PPARGC1A: variants seen among roughly 807,000 people sequenced by gnomAD.
PPARGC1A encodes the protein PPARG coactivator 1 alpha.
Under a neutral mutation model 88.7 loss-of-function variants are expected in PPARGC1A, and 25 were observed. The observed-to-expected ratio is 0.28, with a 90% confidence interval of 0.21 to 0.39. PPARGC1A has a LOEUF of 0.39. Among genes scored for constraint, PPARGC1A ranks in the 10% least tolerant of loss-of-function variants. The probability of loss-of-function intolerance (pLI) is 1.00; values close to 1 mark genes in which losing one functional copy is unlikely to be tolerated. For missense variants in PPARGC1A, 880 were observed against 968.7 expected (o/e 0.91, Z 1.22); for synonymous variants, 363 against 355.6 (o/e 1.02, Z -0.24).
At chr4:24,235,905 G>A in the PPARGC1A span, among the ~76,000 whole-genome samples, 1 of 152,076 alleles carries the variant, frequency 6.6e-6, no homozygotes, top group Admixed American at 6.5e-5. Flanking sequence ...GAGGGTGGGG[G>A]ACCCACAGTG....
At chr4:24,139,701 G>A in the PPARGC1A span, among the ~76,000 whole-genome samples, 19 of 152,128 alleles carry the variant, frequency 1.2e-4, no homozygotes, top group African/African-American at 2.2e-4. Context: ...CATCCTGTGC[G>A]TGCCCTTGTA....
chr4:24,097,854 T>C, the PPARGC1A span, among the ~76,000 whole-genome samples: 7 of 152,190 alleles, frequency 4.6e-5, no homozygotes, highest in Non-Finnish European at 1.0e-4. Flanking sequence ...CATGGTTTTA[T>C]GGCCAATTGA....
At chr4:23,994,576 T>C in the PPARGC1A span, among the ~76,000 whole-genome samples, 1 of 152,220 alleles carries the variant, frequency 6.6e-6, no homozygotes, top group African/African-American at 2.4e-5. Flanking sequence ...CACTTTCAGG[T>C]TTCCATCTAG....
At chr4:24,421,989 T>C in the PPARGC1A span, among the ~76,000 whole-genome samples, 1 of 152,190 alleles carries the variant, frequency 6.6e-6, no homozygotes, top group African/African-American at 2.4e-5. Context: ...TAAACAATAT[T>C]GCAGATGCTA....
chr4:24,387,840 G>GAAAGAAAGAA, the PPARGC1A span, among the ~76,000 whole-genome samples: 4 of 133,398 alleles, frequency 3.0e-5, no homozygotes, highest in Admixed American at 3.1e-4. Flanking sequence ...AAGAGAGAAA[G>GAAAGAAAGAA]AGAGAGAGAA....
chr4:23,889,361 T>C (rs1001952961), intron 1 of PPARGC1A: 1 of 985,406 alleles, frequency 1.0e-6, no homozygotes. Context: ...ATCGTTGTTT[T>C]GTGTTCTGTG....
chr4:24,239,098 T>C, the PPARGC1A span, among the ~76,000 whole-genome samples: 1 of 152,138 alleles, frequency 6.6e-6, no homozygotes. Context: ...ATCAGAAATT[T>C]AGGTTTCTTA....
chr4:24,244,739 A>G, the PPARGC1A span, among the ~76,000 whole-genome samples: 1 of 152,214 alleles, frequency 6.6e-6, no homozygotes, highest in Non-Finnish European at 1.5e-5. Flanking sequence ...TGAATAGAGG[A>G]TGCCCCAAAC....
intron 2 of PPARGC1A, among the ~76,000 whole-genome samples, chr4:23,872,550 T>C (rs145949289): frequency 1.3e-5 from 2 of 152,096 alleles, no homozygotes; most frequent in African/African-American, 4.8e-5. Flanking sequence ...CTAAAGACAA[T>C]AAGTAGGAGA....
the PPARGC1A span, among the ~76,000 whole-genome samples, chr4:23,944,124 G>C: frequency 2.0e-5 from 3 of 152,132 alleles, no homozygotes; most frequent in Non-Finnish European, 4.4e-5. Context: ...TATCAATATT[G>C]GTTCATTAGT....
chr4:24,013,420 G>A, the PPARGC1A span, among the ~76,000 whole-genome samples: 2 of 151,808 alleles, frequency 1.3e-5, no homozygotes, highest in Non-Finnish European at 2.9e-5. Flanking sequence ...GCACAGTTTT[G>A]TCTCCTCGTC....
the PPARGC1A span, among the ~76,000 whole-genome samples, chr4:24,301,611 CAAA>C: frequency 6.3e-5 from 5 of 79,384 alleles, no homozygotes; most frequent in Admixed American, 1.4e-4. Context: ...CACCTATTGC[CAAA>C]AAAAAAAAAA....
chr4:24,279,962 A>G, the PPARGC1A span, among the ~76,000 whole-genome samples: 5 of 152,084 alleles, frequency 3.3e-5, no homozygotes, highest in African/African-American at 1.2e-4. Context: ...TCTGAGAGCT[A>G]TTATTAGAGA....
the PPARGC1A span, among the ~76,000 whole-genome samples, chr4:24,363,542 G>T: frequency 2.0e-5 from 3 of 152,106 alleles, no homozygotes; most frequent in Non-Finnish European, 4.4e-5. Flanking sequence ...TGGGTGTAAG[G>T]TTTCTTTGTC....
At chr4:24,189,807 C>T in the PPARGC1A span, among the ~76,000 whole-genome samples, 14 of 152,110 alleles carry the variant, frequency 9.2e-5, no homozygotes, top group African/African-American at 3.1e-4. Flanking sequence ...TCTGTCACTG[C>T]CTACTATGCT....
the PPARGC1A span, among the ~76,000 whole-genome samples, chr4:24,257,958 TTATC>T: frequency 2.0e-5 from 3 of 152,146 alleles, no homozygotes; most frequent in South Asian, 4.1e-4. Context: ...TTAGTCCAAA[TTATC>T]TAGTAAGCAT....
At chr4:23,835,264 C>A (rs1725789529) in intron 2 of PPARGC1A, among the ~76,000 whole-genome samples, 1 of 152,168 alleles carries the variant, frequency 6.6e-6, no homozygotes, top group African/African-American at 2.4e-5. Context: ...CGACAAAGAA[C>A]ACTTAAATCA....
At chr4:24,165,948 T>G in the PPARGC1A span, among the ~76,000 whole-genome samples, 1 of 152,120 alleles carries the variant, frequency 6.6e-6, no homozygotes, top group Non-Finnish European at 1.5e-5. Context: ...ATGATGAAGC[T>G]TAATGAGAAA....
chr4:24,418,531 G>C, the PPARGC1A span, among the ~76,000 whole-genome samples: 4 of 151,866 alleles, frequency 2.6e-5, no homozygotes, highest in Admixed American at 2.6e-4. Flanking sequence ...TAAACACCGA[G>C]ACACAAGTGT....
Sources: allele counts gnomAD v4.1 joint callset (sites outside exome capture counted in the v4.1 genomes callset), GRCh38; gene constraint gnomAD v4.1.1; transcripts MANE v1.5; gene names NCBI Gene and HGNC (gene_info 2026-07-23, HGNC 2026-07-21).